The following AK5 variants were observed in gnomAD, a reference collection of about 807,000 sequenced individuals.
The protein encoded by AK5 is adenylate kinase 5, also known as adenylate kinase isoenzyme 5.
AK5 carries 27 observed loss-of-function variants against 69.5 expected under a neutral mutation model. The observed-to-expected ratio is 0.39, with a 90% confidence interval of 0.29 to 0.54. The LOEUF (loss-of-function observed/expected upper bound fraction) is 0.54. Ranked by LOEUF, AK5 falls within the 20% of genes least tolerant of loss-of-function variation. The pLI is 0.71. For synonymous variants in AK5, 260 were observed against 244.4 expected, an observed-to-expected ratio of 1.06 and a Z score of -0.60; for missense variants, 531 against 700.4, an observed-to-expected ratio of 0.76 and a Z score of 2.73.
chr1:77,509,180 C>G (rs191644924), intron 10 of AK5, among the ~76,000 whole-genome samples: 1 of 152,320 alleles, frequency 6.6e-6, no homozygotes, highest in South Asian at 2.1e-4. Context: ...CACTGATATA[C>G]TATACACGGG....
intron 2 of AK5, among the ~76,000 whole-genome samples, chr1:77,291,593 A>G (rs12076479): frequency 0.1 from 15,328 of 151,986 alleles, 965 homozygotes; most frequent in East Asian, 0.2. Flanking sequence ...ACCACGCTCT[A>G]CCCACCCATT....
intron 10 of AK5, among the ~76,000 whole-genome samples, chr1:77,500,881 T>G (rs114835401): frequency 0.38 from 58,061 of 151,808 alleles, 11,422 homozygotes; most frequent in East Asian, 0.57. Context: ...TTTTGTTTTT[T>G]TTTATGTTCC....
intron 10 of AK5, among the ~76,000 whole-genome samples, chr1:77,496,752 A>G (rs142407467): frequency 1.3e-5 from 2 of 152,248 alleles, no homozygotes; most frequent in Admixed American, 6.5e-5. Context: ...AAATGCACCA[A>G]TCAGCACTCT....
At chr1:77,531,879 G>A (rs1658626012) in intron 12 of AK5, among the ~76,000 whole-genome samples, 2 of 151,922 alleles carry the variant, frequency 1.3e-5, no homozygotes, top group Non-Finnish European at 2.9e-5. Flanking sequence ...AGGCATGGCG[G>A]GGGCTGCAGG....
At chr1:77,327,868 G>T (rs932249418) in intron 5 of AK5, among the ~76,000 whole-genome samples, 7 of 152,168 alleles carry the variant, frequency 4.6e-5, no homozygotes, top group Admixed American at 1.3e-4. Flanking sequence ...CAGATGATCT[G>T]TTTGCCTCTA....
At chr1:77,335,087 T>C (rs1661279810) in intron 5 of AK5, among the ~76,000 whole-genome samples, 1 of 152,218 alleles carries the variant, frequency 6.6e-6, no homozygotes, top group Non-Finnish European at 1.5e-5. Flanking sequence ...CTAACACTTC[T>C]TCATAAAGAA....
rs1553140250 is a variant in AK5, at chr1:77,368,235, A to AATATATATGT, written c.891+27667_891+27668insATATATATGT. On this transcript the variant is annotated intron_variant, in intron 6 of 13. Transcript: ENST00000354567. ...AGATACTATATATATATATATATAT[A>AATATATATGT]TATATATATATATATATAATATATA... Among the ~76,000 whole-genome samples, 17 of 38,510 alleles carry AATATATATGT rather than the reference A, an allele frequency of 4.4e-4. 1 individual carries two copies. Among genetic ancestry groups the AATATATATGT allele is most frequent in the African/African-American group, 1.2e-3 (17 of 14,488 alleles). 25.3% of individuals were successfully genotyped at this position (38,510 alleles called of 152,430 possible). A position where few individuals can be genotyped will look rare whatever the true frequency, so the allele number is the denominator to read the frequency against.
intron 6 of AK5, among the ~76,000 whole-genome samples, chr1:77,405,721 C>T (rs1649578712): frequency 6.6e-6 from 1 of 152,152 alleles, no homozygotes; most frequent in Non-Finnish European, 1.5e-5. Context: ...AAACTTGGAG[C>T]AGTGAAAGAC....
chr1:77,320,759 G>A (rs75165409), intron 5 of AK5, among the ~76,000 whole-genome samples: 1 of 152,066 alleles, frequency 6.6e-6, no homozygotes, highest in Non-Finnish European at 1.5e-5. Flanking sequence ...TAAAAAAAAG[G>A]TATACCATGA....
chr1:77,387,581 A>G (rs1557550987), intron 6 of AK5, among the ~76,000 whole-genome samples: 1 of 152,208 alleles, frequency 6.6e-6, no homozygotes, highest in Non-Finnish European at 1.5e-5. Context: ...TGAAATGCAA[A>G]ATATTTTTTA....
chr1:77,349,606 T>C (rs1662092095), intron 6 of AK5: 1 of 152,196 alleles, frequency 6.6e-6, no homozygotes, highest in African/African-American at 2.4e-5. Flanking sequence ...AAAGAATAAA[T>C]GGGAAAATTA....
At chr1:77,493,466 A>G (rs1224607373) in intron 10 of AK5, among the ~76,000 whole-genome samples, 1 of 152,068 alleles carries the variant, frequency 6.6e-6, no homozygotes, top group African/African-American at 2.4e-5. Context: ...TAATGAGCCC[A>G]TATGTATATA....
chr1:77,498,485 A>G (rs561566011), intron 10 of AK5, among the ~76,000 whole-genome samples: 24 of 152,332 alleles, frequency 1.6e-4, no homozygotes, highest in South Asian at 2.1e-4. Flanking sequence ...CAAAAGCAAC[A>G]CTACATGAGT....
rs4033041 is a variant in AK5, at chr1:77,327,390, C to CAAAA, written c.700-12972_700-12969dup. Among the ~76,000 whole-genome samples, 65 of 128,938 alleles carry CAAAA rather than the reference C, an allele frequency of 5.0e-4. 1 individual carries two copies. The highest frequency in any genetic ancestry group is 7.8e-4 in the Admixed American group (10 of 12,818). 84.6% of individuals were successfully genotyped at this position (128,938 alleles called of 152,430 possible). On this transcript the variant is annotated intron_variant, in intron 5 of 13. Coordinates refer to ENST00000354567, the MANE Select transcript of AK5 (RefSeq NM_174858.3). ...TGGGCAACAGAGCAAGATCCTGTCT[C>CAAAA]AAAAAAAAAAAAAAAAAACACATAC...
chr1:77,497,661 C>T (rs926181488), intron 10 of AK5, among the ~76,000 whole-genome samples: 7 of 152,168 alleles, frequency 4.6e-5, no homozygotes, highest in Non-Finnish European at 1.0e-4. Flanking sequence ...AATCATGGCT[C>T]ACTGCAACCC....
chr1:77,303,843 T>C (rs1453981), intron 5 of AK5, among the ~76,000 whole-genome samples: 2 of 152,106 alleles, frequency 1.3e-5, no homozygotes, highest in South Asian at 4.1e-4. Flanking sequence ...TATGCTCAAA[T>C]TCTTTTTTAA....
chr1:77,296,393 A>G (rs1659003784), intron 3 of AK5, among the ~76,000 whole-genome samples: 1 of 152,186 alleles, frequency 6.6e-6, no homozygotes, highest in Non-Finnish European at 1.5e-5. Flanking sequence ...TTTGATAGAA[A>G]CATTCAGTAA....
chr1:77,391,701 A>T (rs189037003), intron 6 of AK5, among the ~76,000 whole-genome samples: 105 of 151,970 alleles, frequency 6.9e-4, no homozygotes, highest in Admixed American at 3.7e-3. Context: ...GTGCAGACAC[A>T]CTGCTTGGAT....
At chr1:77,382,522 TA>T (rs1239833241) in intron 6 of AK5, among the ~76,000 whole-genome samples, 2 of 152,184 alleles carry the variant, frequency 1.3e-5, no homozygotes, top group Admixed American at 1.3e-4. Flanking sequence ...GGCTAATTTT[TA>T]ATTTTTTATA....
Sources: allele counts gnomAD v4.1 joint callset (sites outside exome capture counted in the v4.1 genomes callset), GRCh38; gene constraint gnomAD v4.1.1; transcripts MANE v1.5; gene names NCBI Gene and HGNC (gene_info 2026-07-23, HGNC 2026-07-21).